The following RAB27A variants were observed in gnomAD, a reference collection of about 807,000 sequenced individuals.
RAB27A encodes RAB27A, member RAS oncogene family.
RAB27A carries 17 observed loss-of-function variants against 20.8 expected under a neutral mutation model. That is an observed-to-expected ratio of 0.82 (90% confidence interval 0.56 to 1.23). The LOEUF is 1.23. RAB27A is among the 50% of genes most tolerant of loss of function. The probability of loss-of-function intolerance (pLI) is 0.00; values close to 1 mark genes in which losing one functional copy is unlikely to be tolerated. For synonymous variants in RAB27A, 85 were observed against 92.8 expected (o/e 0.92, Z 0.48); for missense variants, 277 against 266.7 (o/e 1.04, Z -0.27).
upstream of RAB27A, among the ~76,000 whole-genome samples, chr15:55,294,481 G>A (rs1259944281): frequency 1.3e-5 from 2 of 151,000 alleles, no homozygotes; most frequent in Admixed American, 1.3e-4. Flanking sequence ...CCAACTACTC[G>A]GGAAGCTGAG....
intron 6 of RAB27A, among the ~76,000 whole-genome samples, chr15:55,211,782 T>C (rs1895037125): frequency 6.6e-6 from 1 of 152,122 alleles, no homozygotes; most frequent in Non-Finnish European, 1.5e-5. Context: ...CTTCCTGTTT[T>C]CTTATACAGG....
chr15:55,278,674 G>T (rs1477894292), intron 1 of RAB27A, among the ~76,000 whole-genome samples: 1 of 152,028 alleles, frequency 6.6e-6, no homozygotes, highest in Non-Finnish European at 1.5e-5. Flanking sequence ...AGTAGAGACA[G>T]GGTTTCACCA....
chr15:55,219,550 C>G (rs888123460), intron 6 of RAB27A, among the ~76,000 whole-genome samples: 1 of 152,206 alleles, frequency 6.6e-6, no homozygotes, highest in African/African-American at 2.4e-5. Flanking sequence ...CCCAGACCTA[C>G]TGAATCAGAA....
chr15:55,235,251 C>T (rs1162897170), intron 2 of RAB27A, among the ~76,000 whole-genome samples: 1 of 151,992 alleles, frequency 6.6e-6, no homozygotes, highest in Non-Finnish European at 1.5e-5. Context: ...AATTCGAGAC[C>T]AGCCTGACCA....
intron 2 of RAB27A, among the ~76,000 whole-genome samples, chr15:55,239,702 G>T (rs1896405059): frequency 6.6e-6 from 1 of 152,142 alleles, no homozygotes; most frequent in Non-Finnish European, 1.5e-5. Context: ...AAAACCTTTA[G>T]CAAATTTGGA....
intron 1 of RAB27A, among the ~76,000 whole-genome samples, chr15:55,318,634 G>A (rs1356356391): frequency 6.7e-6 from 1 of 149,672 alleles, no homozygotes; most frequent in Non-Finnish European, 1.5e-5. Context: ...CCGGGAGGCA[G>A]AAGTTGCAGT....
At chr15:55,271,564 C>G (rs923829774) in intron 1 of RAB27A, among the ~76,000 whole-genome samples, 1 of 152,244 alleles carries the variant, frequency 6.6e-6, no homozygotes, top group East Asian at 1.9e-4. Context: ...GCTGGATACA[C>G]CTTCCCTGTG....
At chr15:55,300,240 A>G (rs184054614) in intron 2 of RAB27A, among the ~76,000 whole-genome samples, 1 of 152,268 alleles carries the variant, frequency 6.6e-6, no homozygotes, top group Non-Finnish European at 1.5e-5. Context: ...AGATTCATGA[A>G]AATTATAATA....
intron 6 of RAB27A, among the ~76,000 whole-genome samples, chr15:55,209,889 C>CGT (rs1479331118): frequency 6.8e-5 from 7 of 103,216 alleles, no homozygotes; most frequent in African/African-American, 4.6e-4. Flanking sequence ...TGTGTGTATA[C>CGT]ATATATACAC....
At chr15:55,218,751 T>C (rs1895429353) in intron 6 of RAB27A, among the ~76,000 whole-genome samples, 1 of 151,804 alleles carries the variant, frequency 6.6e-6, no homozygotes, top group Non-Finnish European at 1.5e-5. Flanking sequence ...TCTTTTTTTT[T>C]TTTTTTTTAG....
rs959575053 is a variant in RAB27A, at chr15:55,231,525, G to C, written c.154-1039C>G. On this transcript the variant is annotated intron_variant, in intron 3 of 6. Coordinates refer to ENST00000336787, the MANE Select transcript of RAB27A (RefSeq NM_183235.3). ...GAGCATTTATTCAAGAAAAACAGCC[G>C]AATATCAGTAAAAACAGTAAGCTTT... Among the ~76,000 whole-genome samples the C allele has an allele frequency of 3.9e-5, 6 of 152,034 alleles. No individual in the cohort carries two copies. The South Asian group carries it at 1.2e-3, about 32-fold the overall frequency.
At chr15:55,262,268 G>A (rs181527728) in intron 2 of RAB27A, among the ~76,000 whole-genome samples, 218 of 151,908 alleles carry the variant, frequency 1.4e-3, no homozygotes, top group South Asian at 1.2e-3. Context: ...TCGGCCAGGC[G>A]CGGTGGCTCA....
intron 3 of RAB27A, among the ~76,000 whole-genome samples, chr15:55,232,972 A>C (rs1023768456): frequency 5.3e-5 from 8 of 151,866 alleles, no homozygotes; most frequent in Non-Finnish European, 1.2e-4. Flanking sequence ...AAAAATATAA[A>C]CAATTAGCCG....
chr15:55,212,719 C>T (rs144883684), intron 6 of RAB27A, among the ~76,000 whole-genome samples: 223 of 152,132 alleles, frequency 1.5e-3, no homozygotes, highest in Non-Finnish European at 2.5e-3. Context: ...TTAGTACAGA[C>T]GGTGTTTCAC....
At chr15:55,303,098 C>T (rs2054980725) in intron 2 of RAB27A, among the ~76,000 whole-genome samples, 2 of 140,818 alleles carry the variant, frequency 1.4e-5, no homozygotes, top group Non-Finnish European at 3.1e-5. Context: ...GGTCAGCCCC[C>T]CGCCTGGCCA....
At chr15:55,241,624 A>ATATATATATATATATATATATATGTGTG (rs377301086) in intron 2 of RAB27A, among the ~76,000 whole-genome samples, 32 of 117,634 alleles carry the variant, frequency 2.7e-4, no homozygotes, top group African/African-American at 1.0e-3. Flanking sequence ...ATATATATAT[A>ATATATATATATATATATATATATGTGTG]TGTGTGTATA....
At chr15:55,253,296 A>T (rs1323787128) in intron 2 of RAB27A, among the ~76,000 whole-genome samples, 1 of 150,528 alleles carries the variant, frequency 6.6e-6, no homozygotes, top group Non-Finnish European at 1.5e-5. Flanking sequence ...AAAATACAAA[A>T]ATTAGCCGGG....
intron 2 of RAB27A, among the ~76,000 whole-genome samples, chr15:55,241,557 C>A (rs1371002240): frequency 6.8e-6 from 1 of 146,010 alleles, no homozygotes; most frequent in Admixed American, 6.7e-5. Flanking sequence ...GATGGCTTGA[C>A]GTCAGGAGTT....
intron 2 of RAB27A, among the ~76,000 whole-genome samples, chr15:55,248,727 A>G (rs766967624): frequency 2.9e-4 from 44 of 152,238 alleles, no homozygotes; most frequent in Non-Finnish European, 5.9e-4. Flanking sequence ...CTAGGCTCAG[A>G]AAAATCAAGG....
Sources: allele counts gnomAD v4.1 joint callset (sites outside exome capture counted in the v4.1 genomes callset), GRCh38; gene constraint gnomAD v4.1.1; transcripts MANE v1.5; gene names NCBI Gene and HGNC (gene_info 2026-07-23, HGNC 2026-07-21).